PTPN23: variants seen among roughly 807,000 people sequenced by gnomAD.
PTPN23 encodes the protein tyrosine-protein phosphatase non-receptor type 23.
PTPN23 carries 72 observed loss-of-function variants against 156.3 expected under a neutral mutation model. That is an observed-to-expected ratio of 0.46 (90% CI 0.38 to 0.56). The LOEUF is 0.56. Among genes scored for constraint, PTPN23 ranks in the 20% least tolerant of loss-of-function variants. PTPN23 has a pLI of 0.00. For synonymous variants in PTPN23, 957 were observed against 899.6 expected (o/e 1.06, Z -1.14); for missense variants, 1,974 against 2,171.5 (o/e 0.91, Z 1.81).
intron 2 of PTPN23, among the ~76,000 whole-genome samples, chr3:47,400,565 T>A (rs1239152271): frequency 1.3e-5 from 2 of 152,096 alleles, no homozygotes; most frequent in Non-Finnish European, 2.9e-5. Flanking sequence ...ACAAGACAAA[T>A]TTTATTTTAT....
Position 47,409,271 on chromosome 3 carries a change from A to T in PTPN23, c.1751A>T (p.Asp584Val). 6.2e-7 allele frequency: 1 copy of T among 1,614,124 alleles called. No individual in the cohort carries two copies. Among genetic ancestry groups the T allele is most frequent in the Non-Finnish European group, 8.5e-7 (1 of 1,180,026 alleles). Residue 584 changes from aspartate (D) to valine (V), a missense_variant, in exon 17 of 25, where the codon GAT becomes GTT. Asp to Val is a radical substitution (Grantham distance 152, BLOSUM62 -3). This residue lies in a region of PTPN23 where 726 missense variants were observed against 929.5 expected (regional missense o/e 0.78). Coordinates refer to ENST00000265562, the MANE Select transcript of PTPN23 (RefSeq NM_015466.4). ...EQQLRELIQK[D>V]DITASLVTTD... The stretch of plus-strand genomic sequence containing the variant: ...CAGCTGCGTGAGCTTATCCAGAAAG[A>T]TGACATCACTGCCTCGCTGGTCACC...
intron 1 of PTPN23, among the ~76,000 whole-genome samples, chr3:47,384,968 G>A (rs1704624582): frequency 6.6e-6 from 1 of 152,124 alleles, no homozygotes; most frequent in Non-Finnish European, 1.5e-5. Flanking sequence ...CTCCATGTTA[G>A]TCAGGCTGGT....
chr3:47,411,867 A>G lies in PTPN23; in HGVS notation c.3973A>G (p.Ser1325Gly). 6.2e-7 allele frequency: 1 copy of G among 1,612,886 alleles called. No individual in the cohort carries two copies. Among genetic ancestry groups the G allele is most frequent in the South Asian group, 1.1e-5 (1 of 91,066 alleles). ...ALSLALSSVR[S>G]TETHVERVLS... ...GAGCCTGGCATTGAGCAGCGTCCGC[A>G]GCACCGAAACCCATGTGGAGCGCGT... is the stretch of plus-strand genomic sequence containing the variant. The change falls in exon 21 of 25, where the codon AGC (serine) becomes GGC (glycine). Residue 1325 changes from serine (S) to glycine (G), a missense_variant. This residue lies in a region of PTPN23 where 484 missense variants were observed against 516.0 expected (regional missense o/e 0.94). Coordinates refer to ENST00000265562, the MANE Select transcript of PTPN23 (RefSeq NM_015466.4). This position sits in a 1 kb window ranked among gnomAD's most constrained non-coding sequence, Gnocchi z 6.3.
At chr3:47,401,404 G>A (rs542372432) in intron 2 of PTPN23, among the ~76,000 whole-genome samples, 1 of 151,790 alleles carries the variant, frequency 6.6e-6, no homozygotes, top group African/African-American at 2.4e-5. Flanking sequence ...GCGGAGTCTC[G>A]CCATGTTCTT....
At position 47,382,680 on chromosome 3, in the gene PTPN23, CTTTTTTT is replaced by C. The variant is rs71098482; in HGVS notation, c.84+1520_84+1526del. 1.9e-3 allele frequency among the ~76,000 whole-genome samples: 113 copies of C among 58,650 alleles called. 2 individuals carry two copies. In the South Asian group the frequency reaches 0.019, roughly 10 times the overall value. The allele number at this position is 58,650 out of a possible 152,430, so 38.5% of individuals were successfully genotyped here. On this transcript the variant is annotated intron_variant, in intron 1 of 24. Coordinates refer to ENST00000265562, the MANE Select transcript of PTPN23 (RefSeq NM_015466.4). Reference sequence around the variant, plus strand: ...AGAACTCCTGTTTTCTTTTTCTTTTCTTTTTTTTTTTTTTTTTTTTTTTTTTGAGACG... The same window carrying C: ...AGAACTCCTGTTTTCTTTTTCTTTTCTTTTTTTTTTTTTTTTTTTGAGACG...
Position 47,406,804 on chromosome 3 carries a change from C to T in PTPN23, c.807+54C>T, listed in dbSNP as rs925601998. On this transcript the variant is annotated intron_variant, in intron 9 of 24. Coordinates refer to ENST00000265562, the MANE Select transcript of PTPN23 (RefSeq NM_015466.4). This position sits in a 1 kb window ranked among gnomAD's most constrained non-coding sequence, Gnocchi z 5.8. ...ACCAATGGCAGCCTTCAGTGAGATG[C>T]CGGTGTGCTCCCGCTCCTTACACAC... 396 of 1,603,346 alleles carry T rather than the reference C, an allele frequency of 2.5e-4. No homozygotes were observed. The highest frequency in any genetic ancestry group is 3.3e-4 in the Non-Finnish European group (386 of 1,174,164).
chr3:47,391,241 G>A (rs1576212965), intron 1 of PTPN23, among the ~76,000 whole-genome samples: 1 of 151,958 alleles, frequency 6.6e-6, no homozygotes, highest in Non-Finnish European at 1.5e-5. Flanking sequence ...ACCTTGTCTC[G>A]AAAATAAAAT....
rs1705204982 is a variant in PTPN23 at position 47,409,205 on chromosome 3, A to C, written c.1685A>C (p.Lys562Thr). Residue 562 changes from lysine to threonine, a missense_variant, in exon 17 of 25, where the codon AAG becomes ACG. Lys to Thr is a moderately conservative substitution (Grantham distance 78). Coordinates refer to ENST00000265562, the MANE Select transcript of PTPN23 (RefSeq NM_015466.4). ...VLQNLKRILA[K>T]VQEMRDQRVS... Reference sequence around the variant, plus strand: ...CAAAACCTAAAGCGCATCCTGGCTAAGGTGCAGGAGATGCGGGACCAGCGC... The same window carrying C: ...CAAAACCTAAAGCGCATCCTGGCTACGGTGCAGGAGATGCGGGACCAGCGC... The C allele has an allele frequency of 1.2e-6, 2 of 1,614,182 alleles. No individual in the cohort carries two copies. Among genetic ancestry groups the C allele is most frequent in the Non-Finnish European group, 1.7e-6 (2 of 1,180,036 alleles).
rs144191256 is a variant in PTPN23, at chr3:47,402,168, A to G, written c.160-2484A>G. Among the ~76,000 whole-genome samples, 75 of 152,364 alleles carry G rather than the reference A, an allele frequency of 4.9e-4. 2 individuals carry two copies. The highest frequency in any genetic ancestry group is 1.3e-4 in the Non-Finnish European group (9 of 68,042). On this transcript the variant is annotated intron_variant, in intron 2 of 24. Coordinates refer to ENST00000265562, the MANE Select transcript of PTPN23 (RefSeq NM_015466.4). Reference sequence around the variant, plus strand: ...TTTTTTGTTGTTTTCCCCCCAAAATAATAGCTCTGTTGTTTATCATAAATA... The same window carrying G: ...TTTTTTGTTGTTTTCCCCCCAAAATGATAGCTCTGTTGTTTATCATAAATA...
Position 47,410,157 on chromosome 3 carries a change from C to T in PTPN23, c.2359C>T (p.Leu787Phe). The T allele has an allele frequency of 1.3e-6, 2 of 1,592,198 alleles. No homozygotes were observed. Among genetic ancestry groups the T allele is most frequent in the South Asian group, 1.1e-5 (1 of 87,952 alleles). ...PSSTGPGPHYLSGPLPPGTYS... is the reference protein window; with the variant it reads ...PSSTGPGPHYFSGPLPPGTYS... Reference sequence around the variant, plus strand: ...CTCCACAGGCCCAGGACCCCACTATCTCTCAGGCCCCTTGCCCCCTGGTAC... The same window carrying T: ...CTCCACAGGCCCAGGACCCCACTATTTCTCAGGCCCCTTGCCCCCTGGTAC... The change falls in exon 20 of 25, where the codon CTC becomes TTC. Residue 787 changes from leucine to phenylalanine, a missense_variant. Leu to Phe is a conservative substitution (Grantham distance 22). This residue lies in a region of PTPN23 where 731 missense variants were observed against 669.1 expected (regional missense o/e 1.09). Coordinates refer to ENST00000265562, the MANE Select transcript of PTPN23 (RefSeq NM_015466.4).
chr3:47,410,766 G>A lies in PTPN23; in HGVS notation c.2968G>A (p.Gly990Arg), dbSNP rs529584913. The change falls in exon 20 of 25, where the codon GGA becomes AGA. Residue 990 changes from glycine (G) to arginine (R), a missense_variant. Physicochemically the swap from Gly to Arg is moderately radical, Grantham distance 125. Coordinates refer to ENST00000265562, the MANE Select transcript of PTPN23 (RefSeq NM_015466.4). ...ACATCTCTTCCCACCCCAGGCCCCA[G>A]GACTCCTACCCCCACAATCCCCCTA... Reference protein sequence around the residue: ...HPHLFPPQAPGLLPPQSPYPY... With the variant: ...HPHLFPPQAPRLLPPQSPYPY... 63 of 1,552,704 alleles carry A rather than the reference G, an allele frequency of 4.1e-5. 2 individuals carry two copies. The South Asian group carries it at 7.1e-4, about 17-fold the overall frequency.
chr3:47,405,882 G>GTGGACA lies in PTPN23; in HGVS notation c.415-32_415-27dup. 6.2e-7 allele frequency: 1 copy of GTGGACA among 1,610,058 alleles called. No individual in the cohort carries two copies. ...GTATGGATGAATCCTGACCCATGGAGTGGACACAGGCCATCCTCCCACTCC... is the reference window on the plus strand; with the variant it reads ...GTATGGATGAATCCTGACCCATGGAGTGGACATGGACACAGGCCATCCTCCCACTCC... On this transcript the variant is annotated intron_variant, in intron 5 of 24. Coordinates refer to ENST00000265562, the MANE Select transcript of PTPN23 (RefSeq NM_015466.4). This position sits in a 1 kb window ranked among gnomAD's most constrained non-coding sequence, Gnocchi z 4.7.
rs368823388 is a variant in PTPN23, at chr3:47,389,578, C to T, written c.85-6565C>T. 2.3e-4 allele frequency among the ~76,000 whole-genome samples: 35 copies of T among 152,306 alleles called. No individual in the cohort carries two copies. In the East Asian group the frequency reaches 3.7e-3, roughly 16 times the overall value. On this transcript the variant is annotated intron_variant, in intron 1 of 24. Transcript: ENST00000265562. ...GACCAGGGCCTGGCGCAGTGGCTCA[C>T]GCCTGTAATCCCCGCACTTTGGGAG...
intron 1 of PTPN23, among the ~76,000 whole-genome samples, chr3:47,387,567 T>C (rs944499060): frequency 5.4e-5 from 2 of 37,350 alleles, no homozygotes; most frequent in Admixed American, 3.8e-4. Context: ...AGAGACCCTG[T>C]CTCAAAAAAA....
rs1321880400 is a variant in PTPN23 at position 47,406,075 on chromosome 3, T to C, written c.546+29T>C. The C allele has an allele frequency of 2.5e-6, 4 of 1,606,296 alleles. No individual in the cohort carries two copies. Among genetic ancestry groups the C allele is most frequent in the Non-Finnish European group, 3.4e-6 (4 of 1,177,074 alleles). ...AGGAGGCGCCCTGGTTGGAGTGGAG[T>C]TGAATCCAGGGAAGGGGATGGCCAG... On this transcript the variant is annotated intron_variant, in intron 6 of 24. Transcript: ENST00000265562. The surrounding 1 kb of genome is among the most constrained non-coding windows in gnomAD (Gnocchi z 5.8).
chr3:47,410,825 G>A lies in PTPN23; in HGVS notation c.3027G>A (p.Gln1009=). 1 of 1,595,380 alleles carries A rather than the reference G, an allele frequency of 6.3e-7. No individual in the cohort carries two copies. The highest frequency in any genetic ancestry group is 8.6e-7 in the Non-Finnish European group (1 of 1,168,558). ...CCCCTCAGCCTGGGGTCCTGGGGCAGCCGCCACCCCCCCTACACACCCAGC... is the reference window on the plus strand; with the variant it reads ...CCCCTCAGCCTGGGGTCCTGGGGCAACCGCCACCCCCCCTACACACCCAGC... ...PYAPQPGVLG[Q]PPPPLHTQLY... is the part of the protein sequence containing the mutation. Residue 1009 remains glutamine (Q), a synonymous_variant, in exon 20 of 25, where the codon CAG becomes CAA. Coordinates refer to ENST00000265562, the MANE Select transcript of PTPN23 (RefSeq NM_015466.4).
chr3:47,382,472 C>G (rs914183880), intron 1 of PTPN23, among the ~76,000 whole-genome samples: 5 of 151,652 alleles, frequency 3.3e-5, no homozygotes, highest in African/African-American at 1.2e-4. Flanking sequence ...CAGGCATGCG[C>G]CACCATGCCC....
At chr3:47,396,108 C>A in intron 1 of PTPN23, 35 bp from the exon 2 acceptor site, 1 of 1,583,804 alleles carries the variant, frequency 6.3e-7, no homozygotes, top group South Asian at 1.1e-5. Context: ...CGGGGGTCTT[C>A]TCTGCCACTG....
intron 2 of PTPN23, among the ~76,000 whole-genome samples, chr3:47,397,347 T>TA (rs1441270197): frequency 1.3e-5 from 2 of 152,234 alleles, no homozygotes; most frequent in South Asian, 2.1e-4. Context: ...CTTCAGTCTG[T>TA]AAAAAACACA....
Sources: allele counts gnomAD v4.1 joint callset (sites outside exome capture counted in the v4.1 genomes callset), GRCh38; gene constraint gnomAD v4.1.1; regional missense constraint gnomAD v4.1.1; non-coding constraint Gnocchi (gnomAD v3.1); transcripts MANE v1.5; gene names NCBI Gene and HGNC (gene_info 2026-07-23, HGNC 2026-07-21).